Variants in TRPC6 observed in about 807,000 individuals in gnomAD.
TRPC6 encodes the protein transient receptor potential cation channel subfamily C member 6.
Under a neutral mutation model 90.7 loss-of-function variants are expected in TRPC6, and 55 were observed. The observed-to-expected ratio is 0.61, with a 90% CI of 0.49 to 0.76. TRPC6 has a LOEUF of 0.76. Among genes scored for constraint, TRPC6 ranks in the 30% least tolerant of loss-of-function variants. The probability of loss-of-function intolerance (pLI) is 0.00; values close to 1 mark genes in which losing one functional copy is unlikely to be tolerated. For missense variants in TRPC6, 989 were observed against 1,122.7 expected (o/e 0.88, Z 1.70); for synonymous variants, 393 against 393.0 (o/e 1.00, Z 0.00).
At chr11:101,547,584 A>G (rs751344548) in intron 1 of TRPC6, among the ~76,000 whole-genome samples, 1 of 152,164 alleles carries the variant, frequency 6.6e-6, no homozygotes, top group Non-Finnish European at 1.5e-5. Flanking sequence ...CAGTATATCA[A>G]TTGAGATCAT....
intron 2 of TRPC6, among the ~76,000 whole-genome samples, chr11:101,492,821 AT>A (rs1859860914): frequency 6.6e-6 from 1 of 152,196 alleles, no homozygotes; most frequent in African/African-American, 2.4e-5. Context: ...GTACGTGTCT[AT>A]TTAACAGATT....
chr11:101,515,628 T>C (rs1312448854), intron 1 of TRPC6, among the ~76,000 whole-genome samples: 1 of 152,208 alleles, frequency 6.6e-6, no homozygotes, highest in African/African-American at 2.4e-5. Flanking sequence ...CAAATTATTT[T>C]ACTCCATTTC....
At chr11:101,497,306 C>T (rs1363197695) in intron 2 of TRPC6, among the ~76,000 whole-genome samples, 2 of 152,222 alleles carry the variant, frequency 1.3e-5, no homozygotes, top group Admixed American at 1.3e-4. Flanking sequence ...TCTTCTGGAG[C>T]TGTGATTCTG....
chr11:101,564,972 A>G (rs1861797220), intron 1 of TRPC6, among the ~76,000 whole-genome samples: 1 of 152,122 alleles, frequency 6.6e-6, no homozygotes, highest in Non-Finnish European at 1.5e-5. Context: ...ATGGAAGAAA[A>G]GATAGTCTCT....
intron 1 of TRPC6, among the ~76,000 whole-genome samples, chr11:101,540,671 C>T (rs10791495): frequency 6.6e-6 from 1 of 152,006 alleles, no homozygotes; most frequent in Non-Finnish European, 1.5e-5. Flanking sequence ...AAATAATTTT[C>T]ATGTAAGGAG....
At position 101,504,204 on chromosome 11, in the gene TRPC6, G is replaced by A; in HGVS notation, c.765C>T (p.Cys255=). The A allele has an allele frequency of 1.2e-6, 2 of 1,614,132 alleles. No individual in the cohort carries two copies. The highest frequency in any genetic ancestry group is 1.7e-4 in the Middle Eastern group (1 of 6,060). ...IERPHDYFCK[C]NDCNQKQKHD... is the part of the protein sequence containing the mutation. ...GCTTCTGTTTCTGGTTGCAGTCATT[G>A]CACTTGCAGAAATAATCATGAGGCC... The change falls in exon 2 of 13, where the codon TGC becomes TGT. Residue 255 remains cysteine, a synonymous_variant. Transcript: ENST00000344327.
intron 1 of TRPC6, among the ~76,000 whole-genome samples, chr11:101,527,834 G>A (rs999748560): frequency 6.6e-6 from 1 of 152,074 alleles, no homozygotes; most frequent in Non-Finnish European, 1.5e-5. Flanking sequence ...AGCACTTTGG[G>A]AGGCCAAGGT....
intron 1 of TRPC6, among the ~76,000 whole-genome samples, chr11:101,521,579 G>T (rs568898023): frequency 8.5e-5 from 13 of 152,318 alleles, no homozygotes; most frequent in African/African-American, 2.9e-4. Flanking sequence ...GCCTAGTGGA[G>T]CTGTGAGAAG....
chr11:101,578,718 G>A (rs905887971), intron 1 of TRPC6, among the ~76,000 whole-genome samples: 3 of 151,852 alleles, frequency 2.0e-5, no homozygotes, highest in South Asian at 2.1e-4. Flanking sequence ...CATATCCATC[G>A]GAGACCTTAT....
chr11:101,536,298 G>C (rs1045896180), intron 1 of TRPC6, among the ~76,000 whole-genome samples: 13 of 152,046 alleles, frequency 8.6e-5, no homozygotes, highest in African/African-American at 3.1e-4. Flanking sequence ...GAGGCACCAG[G>C]ATCGCTTGAA....
At chr11:101,552,174 C>A (rs1861465112) in intron 1 of TRPC6, among the ~76,000 whole-genome samples, 1 of 152,030 alleles carries the variant, frequency 6.6e-6, no homozygotes, top group Non-Finnish European at 1.5e-5. Context: ...AAGTTATTTT[C>A]AGAACTTAGA....
At chr11:101,542,146 C>T (rs1292843917) in intron 1 of TRPC6, among the ~76,000 whole-genome samples, 1 of 152,118 alleles carries the variant, frequency 6.6e-6, no homozygotes, top group Non-Finnish European at 1.5e-5. Context: ...TTTATTGTGT[C>T]TTGATCTATA....
At position 101,499,648 on chromosome 11, in the gene TRPC6, TA is replaced by T. The variant is rs1264294266; in HGVS notation, c.945+4375del. ...ACACAATATAAAATGTGTATATATA[TA>T]TATACACAATATAAAATGTGTATAT... On this transcript the variant is annotated intron_variant, in intron 2 of 12. Coordinates refer to ENST00000344327, the MANE Select transcript of TRPC6 (RefSeq NM_004621.6). Among the ~76,000 whole-genome samples, 7 of 140,828 alleles carry T rather than the reference TA, an allele frequency of 5.0e-5. 2 individuals carry two copies. The highest frequency in any genetic ancestry group is 6.1e-5 in the Non-Finnish European group (4 of 65,536). 92.4% of individuals were successfully genotyped at this position (140,828 alleles called of 152,430 possible).
At chr11:101,474,912 C>G (rs1859377650) in intron 6 of TRPC6, among the ~76,000 whole-genome samples, 2 of 152,162 alleles carry the variant, frequency 1.3e-5, no homozygotes, top group Admixed American at 1.3e-4. Context: ...GTTAGCTCGG[C>G]ATTACCTTCT....
chr11:101,574,295 A>G (rs1277302379), intron 1 of TRPC6, among the ~76,000 whole-genome samples: 1 of 151,138 alleles, frequency 6.6e-6, no homozygotes, highest in Non-Finnish European at 1.5e-5. Flanking sequence ...TTTTTTAATT[A>G]TGTGCATAAG....
intron 1 of TRPC6, among the ~76,000 whole-genome samples, chr11:101,582,646 C>A (rs754734992): frequency 6.6e-5 from 10 of 152,162 alleles, no homozygotes; most frequent in Non-Finnish European, 1.3e-4. Flanking sequence ...GCCCTCACTT[C>A]TATAGCCCGT....
intron 1 of TRPC6, among the ~76,000 whole-genome samples, chr11:101,547,952 C>T (rs992371355): frequency 1.2e-4 from 18 of 152,090 alleles, no homozygotes; most frequent in African/African-American, 4.1e-4. Flanking sequence ...TATGTCAATA[C>T]ATATGCTGCA....
intron 10 of TRPC6, among the ~76,000 whole-genome samples, chr11:101,459,973 G>C (rs1322077746): frequency 6.6e-6 from 1 of 152,110 alleles, no homozygotes; most frequent in African/African-American, 2.4e-5. Flanking sequence ...TTATAGATGA[G>C]GAAACTAAGG....
In TRPC6 at chr11:101,483,309, G is replaced by C. The variant is rs1309582479; in HGVS notation, c.1294-144C>G. 12 of 1,066,716 alleles carry C rather than the reference G, an allele frequency of 1.1e-5. No homozygotes were observed. In the East Asian group the frequency reaches 2.8e-4, roughly 25 times the overall value. 66.1% of individuals were successfully genotyped at this position (1,066,716 alleles called of 1,614,324 possible). On this transcript the variant is annotated intron_variant, in intron 4 of 12. Transcript: ENST00000344327. ...TTATATTTATGTAATTCGTGATAGA[G>C]TAATATCTTTATGCTGTTACAAAAT...
Sources: allele counts gnomAD v4.1 joint callset (sites outside exome capture counted in the v4.1 genomes callset), GRCh38; gene constraint gnomAD v4.1.1; transcripts MANE v1.5; gene names NCBI Gene and HGNC (gene_info 2026-07-23, HGNC 2026-07-21).